The following ZNF423 variants were observed in gnomAD, a reference collection of about 807,000 sequenced individuals.
The protein encoded by ZNF423 is Ebf-associated zinc finger protein.
In ZNF423, 12 loss-of-function variants were observed where a neutral mutation model predicts 95.8. The ratio of observed to expected loss-of-function variants is 0.13; its 90% confidence interval spans 0.08 to 0.20. The LOEUF is 0.20. ZNF423 is among the 10% of genes least tolerant of loss of function. The pLI is 1.00. For synonymous variants in ZNF423, 749 were observed against 711.9 expected, an observed-to-expected ratio of 1.05 and a Z score of -0.83; for missense variants, 1,316 against 1,737.1, an observed-to-expected ratio of 0.76 and a Z score of 4.31.
At chr16:49,717,679 C>T (rs2032747954) in intron 3 of ZNF423, among the ~76,000 whole-genome samples, 1 of 152,222 alleles carries the variant, frequency 6.6e-6, no homozygotes, top group Non-Finnish European at 1.5e-5. Flanking sequence ...ATACATTGCA[C>T]TGTTTGATTT....
intron 5 of ZNF423, among the ~76,000 whole-genome samples, chr16:49,616,128 T>C (rs898066201): frequency 6.6e-6 from 1 of 152,100 alleles, no homozygotes; most frequent in Admixed American, 6.5e-5. Context: ...TGCTGCAATA[T>C]TCATGCTTAC....
intron 2 of ZNF423, chr16:49,731,458 A>G (rs2033166034): frequency 1.3e-6 from 1 of 757,472 alleles, no homozygotes; most frequent in Non-Finnish European, 1.6e-6. Flanking sequence ...AAAGATGTCC[A>G]ACTCTGAAAT....
At chr16:49,523,596 G>A (rs368657201) in intron 7 of ZNF423, 28 bp downstream of exon 7, 6 of 1,585,528 alleles carry the variant, frequency 3.8e-6, no homozygotes, top group Non-Finnish European at 5.2e-6. Context: ...CCATCAGGCG[G>A]CGTGGTGCAG....
intron 2 of ZNF423, among the ~76,000 whole-genome samples, chr16:49,740,805 A>G (rs2033398821): frequency 1.3e-5 from 2 of 152,248 alleles, no homozygotes; most frequent in Non-Finnish European, 1.5e-5. Context: ...AGAGGCCCAC[A>G]GAAATGACTA....
chr16:49,557,278 T>G (rs1470972854), intron 5 of ZNF423, among the ~76,000 whole-genome samples: 1 of 152,208 alleles, frequency 6.6e-6, no homozygotes, highest in Non-Finnish European at 1.5e-5. Flanking sequence ...TAATCCCTTC[T>G]GCATACAAAT....
At chr16:49,825,672 T>C (rs1215628749) in intron 1 of ZNF423, among the ~76,000 whole-genome samples, 1 of 152,132 alleles carries the variant, frequency 6.6e-6, no homozygotes, top group Non-Finnish European at 1.5e-5. Context: ...ATGAAGCAAT[T>C]AAGCTAATTG....
At chr16:49,660,695 G>A (rs989173669) in intron 3 of ZNF423, among the ~76,000 whole-genome samples, 10 of 152,136 alleles carry the variant, frequency 6.6e-5, no homozygotes, top group Non-Finnish European at 1.3e-4. Flanking sequence ...AGAGCCTCTT[G>A]GAGCCAGGGA....
intron 3 of ZNF423, among the ~76,000 whole-genome samples, chr16:49,670,964 CA>C (rs1416591654): frequency 6.6e-6 from 1 of 152,184 alleles, no homozygotes; most frequent in African/African-American, 2.4e-5. Context: ...CCAGCAACGC[CA>C]GGGGACAAAC....
chr16:49,691,999 G>A (rs141792890), intron 3 of ZNF423, among the ~76,000 whole-genome samples: 5,883 of 152,098 alleles, frequency 0.039, 149 homozygotes, highest in Middle Eastern at 0.061. Flanking sequence ...GCGCAGGCTG[G>A]AGTGCAGTGG....
At chr16:49,827,866 C>T (rs1483558181) in intron 1 of ZNF423, among the ~76,000 whole-genome samples, 1 of 152,134 alleles carries the variant, frequency 6.6e-6, no homozygotes, top group Admixed American at 6.5e-5. Context: ...TCCCCTAACC[C>T]TGGGATTATA....
chr16:49,664,040 C>G (rs187546923), intron 3 of ZNF423: 307 of 983,420 alleles, frequency 3.1e-4, no homozygotes, highest in Non-Finnish European at 2.8e-4. Flanking sequence ...ATTCATTCTT[C>G]CCCCTTCCAA....
intron 3 of ZNF423, among the ~76,000 whole-genome samples, chr16:49,724,769 G>A (rs975859028): frequency 7.9e-5 from 12 of 152,226 alleles, no homozygotes; most frequent in South Asian, 2.1e-4. Context: ...TTTCACCTTC[G>A]CCAGAAAAGG....
chr16:49,638,201 G>C lies in ZNF423; in HGVS notation c.975C>G (p.Ala325=). Residue 325 remains alanine, a synonymous_variant, in exon 4 of 8, where the codon GCC becomes GCG. Coordinates refer to ENST00000563137, the MANE Select transcript of ZNF423 (RefSeq NM_001379286.1). The surrounding 1 kb of genome is among the most constrained non-coding windows in gnomAD (Gnocchi z 5.6). The part of the protein sequence containing the change: ...ENTLLAHIHQ[A]HANQKHKCPM... ...GGCACTTGTGTTTCTGGTTGGCGTG[G>C]GCTTGGTGGATATGGGCGAGCAGTG... The C allele has an allele frequency of 1.2e-6, 2 of 1,608,106 alleles. No individual in the cohort carries two copies. Among genetic ancestry groups the C allele is most frequent in the Non-Finnish European group, 1.7e-6 (2 of 1,180,012 alleles).
At chr16:49,707,136 G>A (rs907398779) in intron 3 of ZNF423, among the ~76,000 whole-genome samples, 13 of 151,780 alleles carry the variant, frequency 8.6e-5, no homozygotes, top group African/African-American at 2.7e-4. Flanking sequence ...TCACCTCACC[G>A]CTCCCTGGGT....
At chr16:49,715,646 G>A (rs958604728) in intron 3 of ZNF423, among the ~76,000 whole-genome samples, 2 of 152,160 alleles carry the variant, frequency 1.3e-5, no homozygotes, top group Non-Finnish European at 2.9e-5. Flanking sequence ...TGGGGAGGCT[G>A]AGGTGGGAAG....
Position 49,637,318 on chromosome 16 carries a change from C to T in ZNF423, c.1858G>A (p.Val620Met), listed in dbSNP as rs1451257985. ...AGCCGCTGCCGCTTCGGGGAAGACA[C>T]CTCCACATCGGACGAGACTGGGCTC... ...EQSPVSSDVE[V>M]SSPKRQRLSA... Residue 620 changes from valine (V) to methionine (M), a missense_variant, in exon 4 of 8, where the codon GTG becomes ATG. Transcript: ENST00000563137. This position sits in a 1 kb window ranked among gnomAD's most constrained non-coding sequence, Gnocchi z 5.6. The T allele has an allele frequency of 1.9e-6, 3 of 1,614,210 alleles. No individual in the cohort carries two copies. Among genetic ancestry groups the T allele is most frequent in the South Asian group, 1.1e-5 (1 of 91,088 alleles).
At chr16:49,739,864 T>C (rs1476958685) in intron 2 of ZNF423, among the ~76,000 whole-genome samples, 8 of 148,146 alleles carry the variant, frequency 5.4e-5, no homozygotes, top group Non-Finnish European at 8.9e-5. Context: ...ACCCAGGTAA[T>C]TTTTTTTCCC....
chr16:49,759,808 G>A (rs66463467), intron 2 of ZNF423, among the ~76,000 whole-genome samples: 24,366 of 152,088 alleles, frequency 0.16, 2,034 homozygotes, highest in South Asian at 0.26. Flanking sequence ...TCCTTCAGAC[G>A]TCACAGGAGG....
intron 2 of ZNF423, among the ~76,000 whole-genome samples, chr16:49,783,414 G>GT (rs1161625010): frequency 2.3e-5 from 3 of 128,876 alleles, no homozygotes; most frequent in East Asian, 4.7e-4. Flanking sequence ...TAGGGTTAGA[G>GT]TAGGGTTAGG....
Sources: allele counts gnomAD v4.1 joint callset (sites outside exome capture counted in the v4.1 genomes callset), GRCh38; gene constraint gnomAD v4.1.1; non-coding constraint Gnocchi (gnomAD v3.1); transcripts MANE v1.5; gene names NCBI Gene and HGNC (gene_info 2026-07-23, HGNC 2026-07-21).